SPOCK1: variants seen among roughly 807,000 people sequenced by gnomAD.
SPOCK1 encodes the protein SPARC (osteonectin), cwcv and kazal like domains proteoglycan 1.
A neutral mutation model predicts 55.3 loss-of-function variants in SPOCK1; 23 were observed. The ratio of observed to expected loss-of-function variants is 0.42; its 90% CI spans 0.30 to 0.59. The LOEUF (loss-of-function observed/expected upper bound fraction) is 0.59. Ranked by LOEUF, SPOCK1 falls within the 20% of genes least tolerant of loss-of-function variation. The pLI is 0.22. For missense variants in SPOCK1, 499 were observed against 552.5 expected (o/e 0.90, Z 0.97); for synonymous variants, 226 against 221.0 (o/e 1.02, Z -0.20).
At chr5:137,010,924 A>G (rs963101447) in intron 6 of SPOCK1, among the ~76,000 whole-genome samples, 26 of 152,078 alleles carry the variant, frequency 1.7e-4, no homozygotes, top group African/African-American at 6.3e-4. Flanking sequence ...CGCATATTGT[A>G]TTGAGGGATG....
Position 137,356,873 on chromosome 5 carries a change from A to AGTGAGT in SPOCK1, c.187-89819_187-89818insACTCAC, listed in dbSNP as rs1554077350. On this transcript the variant is annotated intron_variant, in intron 2 of 10. Transcript: ENST00000394945. ...GAGAGAGAGAGAGAGAGAGAGAGAG[A>AGTGAGT]GAGTATGCAGACCAACCAGGGGGCC... 9.2e-4 allele frequency among the ~76,000 whole-genome samples: 64 copies of AGTGAGT among 69,830 alleles called. 4 individuals carry two copies. Among genetic ancestry groups the AGTGAGT allele is most frequent in the African/African-American group, 4.5e-3 (62 of 13,700 alleles). The allele number at this position is 69,830 out of a possible 152,430, so 45.8% of individuals were successfully genotyped here. A position where few individuals can be genotyped will look rare whatever the true frequency, so the allele number is the denominator to read the frequency against.
At chr5:137,025,531 A>G (rs1158345296) in intron 6 of SPOCK1, among the ~76,000 whole-genome samples, 2 of 152,202 alleles carry the variant, frequency 1.3e-5, no homozygotes, top group East Asian at 3.9e-4. Context: ...ACAATGGTAA[A>G]TAAAACATAA....
intron 2 of SPOCK1, among the ~76,000 whole-genome samples, chr5:137,350,912 A>G (rs1213736554): frequency 1.3e-5 from 2 of 152,134 alleles, no homozygotes; most frequent in Non-Finnish European, 2.9e-5. Flanking sequence ...TTCAAGGGAC[A>G]TGAGTTTCTA....
intron 7 of SPOCK1, among the ~76,000 whole-genome samples, chr5:136,989,944 C>T (rs1404790679): frequency 1.3e-5 from 2 of 151,634 alleles, no homozygotes; most frequent in African/African-American, 2.4e-5. Context: ...AGAGTCTCAC[C>T]CTGTTGCCCA....
At chr5:137,071,790 A>C (rs1752619459) in intron 5 of SPOCK1, among the ~76,000 whole-genome samples, 1 of 151,886 alleles carries the variant, frequency 6.6e-6, no homozygotes, top group Non-Finnish European at 1.5e-5. Context: ...CCTTGAAGTT[A>C]CCCTCCCAAT....
chr5:137,315,824 G>A (rs966334950), intron 2 of SPOCK1, among the ~76,000 whole-genome samples: 2 of 152,134 alleles, frequency 1.3e-5, no homozygotes, highest in Non-Finnish European at 2.9e-5. Flanking sequence ...AGACTTCATG[G>A]TGCCTATGAA....
At chr5:137,085,261 G>A (rs1752942979) in intron 5 of SPOCK1, among the ~76,000 whole-genome samples, 1 of 152,156 alleles carries the variant, frequency 6.6e-6, no homozygotes, top group African/African-American at 2.4e-5. Flanking sequence ...CATGAAGCAG[G>A]CGTGAGGGTA....
intron 3 of SPOCK1, among the ~76,000 whole-genome samples, chr5:137,249,780 G>A (rs1756471200): frequency 6.6e-6 from 1 of 152,148 alleles, no homozygotes; most frequent in Admixed American, 6.5e-5. Flanking sequence ...AACACATCCA[G>A]AGGAAATTAC....
intron 9 of SPOCK1, among the ~76,000 whole-genome samples, chr5:136,983,836 C>A (rs1348377850): frequency 6.6e-6 from 1 of 152,128 alleles, no homozygotes; most frequent in Non-Finnish European, 1.5e-5. Flanking sequence ...ATAAAGCAAG[C>A]TTTAAAACAA....
chr5:137,425,384 T>G (rs1159871238), intron 2 of SPOCK1, among the ~76,000 whole-genome samples: 1 of 152,116 alleles, frequency 6.6e-6, no homozygotes, highest in Non-Finnish European at 1.5e-5. Flanking sequence ...TTTTCATCTG[T>G]GTCACGTCAA....
intron 2 of SPOCK1, among the ~76,000 whole-genome samples, chr5:137,337,178 C>T (rs1353925074): frequency 6.6e-6 from 1 of 152,152 alleles, no homozygotes; most frequent in African/African-American, 2.4e-5. Flanking sequence ...TTACATAAAC[C>T]AAGGCAGAAG....
intron 2 of SPOCK1, among the ~76,000 whole-genome samples, chr5:137,393,437 G>T (rs1751769954): frequency 6.6e-6 from 1 of 152,208 alleles, no homozygotes; most frequent in Non-Finnish European, 1.5e-5. Flanking sequence ...ACAGCCAGTG[G>T]ATGCACAGGC....
chr5:137,073,353 G>A (rs916807867), intron 5 of SPOCK1, among the ~76,000 whole-genome samples: 1 of 152,210 alleles, frequency 6.6e-6, no homozygotes, highest in Non-Finnish European at 1.5e-5. Context: ...GATGACATCT[G>A]AGCAGAGAAC....
chr5:137,389,668 C>A (rs955991315), intron 2 of SPOCK1, among the ~76,000 whole-genome samples: 5 of 152,240 alleles, frequency 3.3e-5, no homozygotes, highest in African/African-American at 1.2e-4. Context: ...AGAGGCAGAG[C>A]TGGTGTTCAC....
At chr5:137,107,180 T>C (rs1753386866) in intron 5 of SPOCK1, among the ~76,000 whole-genome samples, 1 of 152,214 alleles carries the variant, frequency 6.6e-6, no homozygotes, top group Admixed American at 6.5e-5. Flanking sequence ...CTACCTTCCT[T>C]GTAAGTTCCA....
At chr5:137,250,344 T>A (rs1756484981) in intron 3 of SPOCK1, among the ~76,000 whole-genome samples, 1 of 152,230 alleles carries the variant, frequency 6.6e-6, no homozygotes, top group South Asian at 2.1e-4. Flanking sequence ...AGCCTCCATT[T>A]CCTTTCCTGT....
intron 2 of SPOCK1, among the ~76,000 whole-genome samples, chr5:137,455,083 G>C (rs1486825519): frequency 6.6e-6 from 1 of 152,162 alleles, no homozygotes; most frequent in African/African-American, 2.4e-5. Context: ...TGGGTTATCA[G>C]TTCACTTAGC....
At chr5:137,186,902 T>C (rs1755080264) in intron 3 of SPOCK1, among the ~76,000 whole-genome samples, 1 of 152,180 alleles carries the variant, frequency 6.6e-6, no homozygotes, top group African/African-American at 2.4e-5. Context: ...AAAGGCCACA[T>C]CAACATCTTC....
intron 3 of SPOCK1, among the ~76,000 whole-genome samples, chr5:137,262,446 T>C (rs1302499909): frequency 1.3e-5 from 2 of 152,164 alleles, no homozygotes; most frequent in Non-Finnish European, 2.9e-5. Context: ...ACTTGACATA[T>C]TAAGGATTTC....
Sources: gnomAD v4.1 joint callset for allele counts (sites outside exome capture counted in the v4.1 genomes callset) on GRCh38, gnomAD v4.1.1 for gene constraint, MANE v1.5 for transcripts, NCBI Gene and HGNC (gene_info 2026-07-23, HGNC 2026-07-21) for gene names.